CNTNAP4: variants seen among roughly 807,000 people sequenced by gnomAD.
CNTNAP4 encodes contactin-associated protein-like 4.
Under a neutral mutation model 148.4 loss-of-function variants are expected in CNTNAP4, and 98 were observed. The observed-to-expected ratio is 0.66, with a 90% CI of 0.56 to 0.78. The LOEUF (loss-of-function observed/expected upper bound fraction) is 0.78. CNTNAP4 is among the 30% of genes least tolerant of loss of function. The pLI is 0.00. For missense variants in CNTNAP4, 1,935 were observed against 1,565.6 expected, an observed-to-expected ratio of 1.24 and a Z score of -3.98; for synonymous variants, 730 against 565.1, an observed-to-expected ratio of 1.29 and a Z score of -4.14.
At chr16:76,419,316 T>C (rs2079099308) in intron 3 of CNTNAP4, among the ~76,000 whole-genome samples, 1 of 151,996 alleles carries the variant, frequency 6.6e-6, no homozygotes, top group Non-Finnish European at 1.5e-5. Flanking sequence ...TCTGGCAAAG[T>C]CTTTTCTTCA....
At chr16:76,501,261 G>C (rs930780686) in intron 15 of CNTNAP4, among the ~76,000 whole-genome samples, 8 of 152,204 alleles carry the variant, frequency 5.3e-5, no homozygotes, top group Admixed American at 4.6e-4. Context: ...ATCCAGGAGA[G>C]TGTAACGATT....
intron 8 of CNTNAP4, 29 bp from the exon 9 acceptor site, chr16:76,461,927 G>C: frequency 6.2e-7 from 1 of 1,609,088 alleles, no homozygotes; most frequent in Non-Finnish European, 8.5e-7. Context: ...ACTATTGAGA[G>C]CGATCTCTAA....
At chr16:76,461,093 A>G (rs940371598) in intron 8 of CNTNAP4, among the ~76,000 whole-genome samples, 1 of 152,070 alleles carries the variant, frequency 6.6e-6, no homozygotes, top group Non-Finnish European at 1.5e-5. Context: ...TATCTAACAC[A>G]TGTATTTTCT....
chr16:76,474,121 G>T (rs1162531930), intron 10 of CNTNAP4, among the ~76,000 whole-genome samples: 1 of 152,096 alleles, frequency 6.6e-6, no homozygotes. Flanking sequence ...CCTTACAACT[G>T]GCTAACAGTG....
At chr16:76,548,295 C>CAT (rs759580311) in intron 21 of CNTNAP4, among the ~76,000 whole-genome samples, 2,879 of 93,074 alleles carry the variant, frequency 0.031, 232 homozygotes, top group African/African-American at 0.072. Flanking sequence ...TTCACTGCAC[C>CAT]TTTTTTTTTT....
intron 17 of CNTNAP4, among the ~76,000 whole-genome samples, chr16:76,532,617 G>A (rs1367377800): frequency 6.6e-6 from 1 of 152,144 alleles, no homozygotes; most frequent in Non-Finnish European, 1.5e-5. Flanking sequence ...TTTAATGTGG[G>A]ATAATACAAA....
At chr16:76,347,807 A>G (rs1227435397) in intron 2 of CNTNAP4, among the ~76,000 whole-genome samples, 1 of 152,122 alleles carries the variant, frequency 6.6e-6, no homozygotes, top group East Asian at 1.9e-4. Context: ...TGAACTGGGA[A>G]GAAGAAAAAG....
chr16:76,414,773 T>C (rs142126768), intron 3 of CNTNAP4, among the ~76,000 whole-genome samples: 147 of 151,498 alleles, frequency 9.7e-4, no homozygotes, highest in African/African-American at 3.2e-3. Context: ...ATTTATTTCA[T>C]TTAAATTTGT....
At chr16:76,529,271 C>T (rs1263965760) in intron 17 of CNTNAP4, among the ~76,000 whole-genome samples, 1 of 151,630 alleles carries the variant, frequency 6.6e-6, no homozygotes, top group Non-Finnish European at 1.5e-5. Context: ...TGATTTATGC[C>T]TATCTTAAAG....
At chr16:76,288,121 G>T (rs908729838) in intron 1 of CNTNAP4, among the ~76,000 whole-genome samples, 1 of 152,012 alleles carries the variant, frequency 6.6e-6, no homozygotes, top group Non-Finnish European at 1.5e-5. Flanking sequence ...TCCCCATACT[G>T]TTCTTGTTAT....
At chr16:76,412,197 C>T (rs1331020157) in intron 3 of CNTNAP4, among the ~76,000 whole-genome samples, 10 of 151,194 alleles carry the variant, frequency 6.6e-5, no homozygotes, top group African/African-American at 2.2e-4. Flanking sequence ...ATAAACAATA[C>T]AATTAAAAAT....
intron 2 of CNTNAP4, among the ~76,000 whole-genome samples, chr16:76,343,419 A>C (rs748736107): frequency 3.3e-5 from 5 of 152,198 alleles, no homozygotes; most frequent in African/African-American, 4.8e-5. Flanking sequence ...TGCATCTTTC[A>C]CATCCTGACA....
At chr16:76,479,384 T>A (rs769416567) in intron 11 of CNTNAP4, 35 bp from the exon 12 acceptor site, 1 of 1,540,118 alleles carries the variant, frequency 6.5e-7, no homozygotes, top group South Asian at 1.3e-5. Flanking sequence ...ATTCATTTCA[T>A]GCTATTCCAT....
chr16:76,486,915 A>T (rs913691239), intron 12 of CNTNAP4, among the ~76,000 whole-genome samples: 6 of 152,152 alleles, frequency 3.9e-5, no homozygotes, highest in African/African-American at 1.4e-4. Flanking sequence ...GAGGTATGAG[A>T]GATTGATGCT....
At chr16:76,371,883 C>T (rs1247162422) in intron 3 of CNTNAP4, among the ~76,000 whole-genome samples, 1 of 152,188 alleles carries the variant, frequency 6.6e-6, no homozygotes, top group East Asian at 1.9e-4. Flanking sequence ...CCCTTTCAAT[C>T]AGGGCTTTCC....
rs148184417 is a variant in CNTNAP4, at chr16:76,536,637, A to G, written c.2995+853A>G. 2.0e-3 allele frequency among the ~76,000 whole-genome samples: 302 copies of G among 152,344 alleles called. 1 individual carries two copies. The highest frequency in any genetic ancestry group is 6.4e-3 in the African/African-American group (265 of 41,578). ...AAATATCGATGCATTACAAAAATAG[A>G]CACATTTATACATTAATCATACATT... On this transcript the variant is annotated intron_variant, in intron 18 of 23. Transcript: ENST00000611870.
intron 14 of CNTNAP4, among the ~76,000 whole-genome samples, chr16:76,497,764 G>A (rs1448598426): frequency 6.6e-6 from 1 of 152,096 alleles, no homozygotes; most frequent in East Asian, 1.9e-4. Context: ...GATGGGTGCA[G>A]CAAACTACCA....
At chr16:76,309,023 C>G (rs909531749) in intron 1 of CNTNAP4, among the ~76,000 whole-genome samples, 1 of 150,534 alleles carries the variant, frequency 6.6e-6, no homozygotes, top group Non-Finnish European at 1.5e-5. Context: ...TTAGGCTGAT[C>G]TTGAACTCCT....
chr16:76,461,430 C>T (rs112602516), intron 8 of CNTNAP4, among the ~76,000 whole-genome samples: 17 of 152,178 alleles, frequency 1.1e-4, no homozygotes, highest in African/African-American at 1.4e-4. Context: ...CTACAAACTA[C>T]GAGGATCAAT....
Sources: gnomAD v4.1 joint callset for allele counts (sites outside exome capture counted in the v4.1 genomes callset) on GRCh38, gnomAD v4.1.1 for gene constraint, MANE v1.5 for transcripts, NCBI Gene and HGNC (gene_info 2026-07-23, HGNC 2026-07-21) for gene names.